PTPRT: variants seen among roughly 807,000 people sequenced by gnomAD.
PTPRT encodes the protein protein tyrosine phosphatase receptor type T, also known as receptor-type tyrosine-protein phosphatase T.
A neutral mutation model predicts 176.8 loss-of-function variants in PTPRT; 56 were observed. That is an observed-to-expected ratio of 0.32 (90% CI 0.26 to 0.40). PTPRT has a LOEUF of 0.40. Among genes scored for constraint, PTPRT ranks in the 10% least tolerant of loss-of-function variants. The probability of loss-of-function intolerance (pLI) is 1.00; values close to 1 mark genes in which losing one functional copy is unlikely to be tolerated. For synonymous variants in PTPRT, 783 were observed against 739.0 expected, an observed-to-expected ratio of 1.06 and a Z score of -0.96; for missense variants, 1,540 against 1,908.2, an observed-to-expected ratio of 0.81 and a Z score of 3.60.
chr20:42,061,726 G>A, the PTPRT span, among the ~76,000 whole-genome samples: 27 of 152,266 alleles, frequency 1.8e-4, no homozygotes, highest in South Asian at 1.2e-3. Context: ...AGCCACTCTC[G>A]AGTTTCCTTG....
intron 9 of PTPRT, among the ~76,000 whole-genome samples, chr20:42,407,623 C>A (rs62203476): frequency 0.091 from 13,810 of 152,122 alleles, 849 homozygotes; most frequent in East Asian, 0.22. Context: ...GTATGCTTAC[C>A]ATCTCCATTT....
At chr20:42,885,059 G>A (rs1434710823) in intron 2 of PTPRT, among the ~76,000 whole-genome samples, 1 of 151,284 alleles carries the variant, frequency 6.6e-6, no homozygotes, top group African/African-American at 2.4e-5. Context: ...TTCACACTAG[G>A]CCTTCAGCGC....
chr20:42,176,785 T>G (rs943877921), intron 16 of PTPRT, among the ~76,000 whole-genome samples: 2 of 152,210 alleles, frequency 1.3e-5, no homozygotes, highest in African/African-American at 4.8e-5. Context: ...ACTTTGTCTT[T>G]TGTTGATGTG....
At chr20:42,734,024 A>T (rs1047056372) in intron 6 of PTPRT, among the ~76,000 whole-genome samples, 9 of 152,152 alleles carry the variant, frequency 5.9e-5, no homozygotes, top group Non-Finnish European at 8.8e-5. Flanking sequence ...CCCAATTCAG[A>T]CCTAGGGGCC....
chr20:42,279,527 T>A (rs2057103436), intron 13 of PTPRT, among the ~76,000 whole-genome samples: 1 of 152,116 alleles, frequency 6.6e-6, no homozygotes, highest in Admixed American at 6.5e-5. Context: ...TGTGAGACAA[T>A]AAATTTGTGT....
At chr20:43,113,151 G>A (rs953252534) in intron 1 of PTPRT, among the ~76,000 whole-genome samples, 4 of 152,106 alleles carry the variant, frequency 2.6e-5, no homozygotes, top group Admixed American at 6.6e-5. Flanking sequence ...TGATATAAAC[G>A]TGTCTCCTTC....
At chr20:42,600,871 G>A (rs1450031338) in intron 7 of PTPRT, among the ~76,000 whole-genome samples, 2 of 152,134 alleles carry the variant, frequency 1.3e-5, no homozygotes, top group African/African-American at 4.8e-5. Context: ...GGACACTAAG[G>A]TTGGTTTCAT....
chr20:42,432,271 C>T (rs2059221844), intron 9 of PTPRT, among the ~76,000 whole-genome samples: 1 of 152,186 alleles, frequency 6.6e-6, no homozygotes, highest in African/African-American at 2.4e-5. Flanking sequence ...TGAATCAAAC[C>T]TGCTTGCAAG....
intron 2 of PTPRT, among the ~76,000 whole-genome samples, chr20:42,846,791 C>A (rs1600465970): frequency 1.3e-5 from 2 of 152,250 alleles, no homozygotes; most frequent in Admixed American, 1.3e-4. Flanking sequence ...GGCCTGGGGA[C>A]AGAGGTTCCA....
chr20:42,276,551 A>ATT (rs1568731883), intron 13 of PTPRT, among the ~76,000 whole-genome samples: 10 of 85,204 alleles, frequency 1.2e-4, no homozygotes, highest in African/African-American at 4.6e-4. Context: ...ATATATATAT[A>ATT]TATATATAAT....
At chr20:42,964,986 TTCTC>T (rs573394249) in intron 1 of PTPRT, among the ~76,000 whole-genome samples, 9 of 152,248 alleles carry the variant, frequency 5.9e-5, no homozygotes, top group Non-Finnish European at 1.0e-4. Flanking sequence ...TTTAAAGTGA[TTCTC>T]TACCTACTAA....
intron 1 of PTPRT, among the ~76,000 whole-genome samples, chr20:42,936,900 G>T (rs1015364068): frequency 2.6e-5 from 4 of 152,162 alleles, no homozygotes; most frequent in Admixed American, 6.5e-5. Context: ...TTTGGAAGTG[G>T]TAGAAAACTA....
intron 7 of PTPRT, among the ~76,000 whole-genome samples, chr20:42,605,902 G>T (rs115664936): frequency 1.3e-5 from 2 of 152,162 alleles, no homozygotes; most frequent in South Asian, 2.1e-4. Flanking sequence ...TAGATGTGGC[G>T]CAAGACCCAG....
At chr20:42,878,922 G>A (rs576353596) in intron 2 of PTPRT, among the ~76,000 whole-genome samples, 8 of 152,238 alleles carry the variant, frequency 5.3e-5, no homozygotes, top group East Asian at 1.9e-4. Context: ...CCAGCTACTC[G>A]AGAGGCTGAG....
chr20:42,272,107 C>A, intron 13 of PTPRT, among the ~76,000 whole-genome samples: 1 of 152,034 alleles, frequency 6.6e-6, no homozygotes, highest in East Asian at 1.9e-4. Flanking sequence ...CAGCCATGAG[C>A]TATAAATGCT....
the PTPRT span, among the ~76,000 whole-genome samples, chr20:42,055,789 G>A: frequency 1.3e-5 from 2 of 152,204 alleles, no homozygotes; most frequent in African/African-American, 2.4e-5. Flanking sequence ...AGCTGCATTT[G>A]TGCAGGCCTG....
intron 7 of PTPRT, among the ~76,000 whole-genome samples, chr20:42,478,989 A>G (rs2071336409): frequency 6.6e-6 from 1 of 152,182 alleles, no homozygotes; most frequent in Non-Finnish European, 1.5e-5. Flanking sequence ...GGGAAAAGCA[A>G]TAAGTAGAGG....
At chr20:42,456,151 A>C (rs1236640686) in intron 8 of PTPRT, among the ~76,000 whole-genome samples, 1 of 151,996 alleles carries the variant, frequency 6.6e-6, no homozygotes, top group African/African-American at 2.4e-5. Context: ...TAAATACCTT[A>C]TATTTTTATT....
intron 7 of PTPRT, among the ~76,000 whole-genome samples, chr20:42,524,419 G>A (rs559856752): frequency 6.6e-6 from 1 of 152,196 alleles, no homozygotes; most frequent in African/African-American, 2.4e-5. Flanking sequence ...TGCAATTTAA[G>A]GTTTGTTTCT....
Sources: gnomAD v4.1 joint callset for allele counts (sites outside exome capture counted in the v4.1 genomes callset) on GRCh38, gnomAD v4.1.1 for gene constraint, MANE v1.5 for transcripts, NCBI Gene and HGNC (gene_info 2026-07-23, HGNC 2026-07-21) for gene names.